DMD: variants seen among roughly 807,000 people sequenced by gnomAD.
The protein encoded by DMD is mutant dystrophin.
DMD carries 63 observed loss-of-function variants against 330.1 expected under a neutral mutation model. That is an observed-to-expected ratio of 0.19 (90% confidence interval 0.16 to 0.24). The LOEUF is 0.24. Ranked by LOEUF, DMD falls within the 10% of genes least tolerant of loss-of-function variation. DMD has a pLI of 1.00. For synonymous variants in DMD, 1,223 were observed against 959.8 expected, an observed-to-expected ratio of 1.27 and a Z score of -5.07; for missense variants, 3,344 against 2,684.1, an observed-to-expected ratio of 1.25 and a Z score of -5.43.
chrX:32,561,879 C>T (rs756339810), intron 16 of DMD, among the ~76,000 whole-genome samples: 1 of 111,719 alleles, frequency 9.0e-6, no homozygotes, highest in Non-Finnish European at 1.9e-5. Context: ...AGATTGGGGG[C>T]TAATATTCAA....
chrX:31,198,087 T>C (rs1569453273), intron 67 of DMD, among the ~76,000 whole-genome samples: 1 of 100,675 alleles, frequency 9.9e-6, no homozygotes, highest in East Asian at 3.1e-4. Context: ...ACTACCAGAG[T>C]CTGGGAAATG....
chrX:32,371,009 C>A (rs1045246702), intron 34 of DMD, among the ~76,000 whole-genome samples: 3 of 110,856 alleles, frequency 2.7e-5, no homozygotes, highest in Non-Finnish European at 5.7e-5. Flanking sequence ...AAATCAGAAT[C>A]TCTGGAAGTG....
At chrX:32,208,049 A>G (rs1377599755) in intron 44 of DMD, among the ~76,000 whole-genome samples, 1 of 112,187 alleles carries the variant, frequency 8.9e-6, no homozygotes, top group Non-Finnish European at 1.9e-5. Flanking sequence ...GATTTTGAGA[A>G]CTATGCTGCC....
chrX:32,174,298 C>T (rs2096898461), intron 44 of DMD, among the ~76,000 whole-genome samples: 2 of 111,949 alleles, frequency 1.8e-5, no homozygotes, highest in African/African-American at 3.2e-5. Flanking sequence ...TAATTCTTCT[C>T]ATAATTCAAA....
rs190626646 is a variant in DMD at position 32,097,907 on chromosome X, G to C, written c.6438+119009C>G. Among the ~76,000 whole-genome samples the C allele has an allele frequency of 8.7e-3, 962 of 110,467 alleles. 12 individuals are homozygous for C. The highest frequency in any genetic ancestry group is 0.03 in the African/African-American group (914 of 30,351). The stretch of plus-strand genomic sequence containing the variant: ...TGTTACATTTTCATCTACTTTTTTT[G>C]ACTAATAAAGTCAATATGAAAGTCA... On this transcript the variant is annotated intron_variant, in intron 44 of 78. Transcript: ENST00000357033.
intron 60 of DMD, among the ~76,000 whole-genome samples, chrX:31,370,098 C>CAAAAAAAAAAAAAAA (rs59989996): frequency 5.1e-5 from 3 of 59,327 alleles, no homozygotes; most frequent in African/African-American, 2.4e-4. Context: ...GGCTCCGTCT[C>CAAAAAAAAAAAAAAA]AAAAAAAAAA....
chrX:32,117,782 T>C (rs1390819688), intron 44 of DMD, among the ~76,000 whole-genome samples: 1 of 111,704 alleles, frequency 9.0e-6, no homozygotes, highest in East Asian at 2.8e-4. Context: ...AGAAAATATT[T>C]AACCAATAGG....
At chrX:32,395,697 G>T (rs1430074001) in intron 30 of DMD, among the ~76,000 whole-genome samples, 1 of 111,633 alleles carries the variant, frequency 9.0e-6, no homozygotes, top group East Asian at 2.8e-4. Flanking sequence ...GGCTGAGAAA[G>T]GGTTTTGGAG....
chrX:31,495,415 A>T (rs2076420044), intron 57 of DMD, among the ~76,000 whole-genome samples: 1 of 111,392 alleles, frequency 9.0e-6, no homozygotes, highest in South Asian at 3.8e-4. Flanking sequence ...TTTCCAAAAC[A>T]CTTATCAGTA....
chrX:31,954,385 C>A (rs942513239), intron 45 of DMD, among the ~76,000 whole-genome samples: 2 of 111,467 alleles, frequency 1.8e-5, no homozygotes, highest in African/African-American at 3.3e-5. Context: ...TTCACAGATT[C>A]TCTTGTTATC....
intron 50 of DMD, among the ~76,000 whole-genome samples, chrX:31,815,372 C>T (rs1031831450): frequency 9.1e-6 from 1 of 109,622 alleles, no homozygotes; most frequent in East Asian, 2.9e-4. Context: ...ACCGCTTCAA[C>T]CCAGGAGGCA....
intron 60 of DMD, among the ~76,000 whole-genome samples, chrX:31,389,827 T>C (rs1464035324): frequency 1.8e-5 from 2 of 112,373 alleles, no homozygotes; most frequent in African/African-American, 6.5e-5. Context: ...ATCTAACTTT[T>C]ATTCCCATGT....
intron 15 of DMD, among the ~76,000 whole-genome samples, chrX:32,567,372 TGTGGGGGTTTAGCAATAG>T (rs1308466683): frequency 1.8e-5 from 2 of 111,176 alleles, no homozygotes; most frequent in South Asian, 3.8e-4. Flanking sequence ...AAACTCACGG[TGTGGGGGTTTAGCAATAG>T]GTAGGTGGTT....
intron 60 of DMD, among the ~76,000 whole-genome samples, chrX:31,361,895 G>T (rs1022666103): frequency 2.8e-5 from 3 of 108,066 alleles, no homozygotes; most frequent in Non-Finnish European, 5.7e-5. Flanking sequence ...TCAGCCTCCC[G>T]AGTACCCGGG....
chrX:32,252,707 A>AATAAAT lies in DMD; in HGVS notation c.6290+34821_6290+34822insATTTAT, dbSNP rs2097272202. On this transcript the variant is annotated intron_variant, in intron 43 of 78. Transcript: ENST00000357033. ...ATAAATATATATATAAATATATATAAATATATAAATATATATAAATATATA... is the reference window on the plus strand; with the variant it reads ...ATAAATATATATATAAATATATATAAATAAATATATATAAATATATATAAATATATA... 1.1e-4 allele frequency among the ~76,000 whole-genome samples: 2 copies of AATAAAT among 18,328 alleles called. 1 individual carries two copies. The highest frequency in any genetic ancestry group is 4.1e-4 in the African/African-American group (2 of 4,857). 15.9% of individuals were successfully genotyped at this position (18,328 alleles called of 115,157 possible).
At chrX:32,237,047 G>C (rs2097190561) in intron 43 of DMD, among the ~76,000 whole-genome samples, 1 of 111,093 alleles carries the variant, frequency 9.0e-6, no homozygotes, top group Non-Finnish European at 1.9e-5. Context: ...TCTTTGCATT[G>C]TACAGGTTTT....
intron 55 of DMD, among the ~76,000 whole-genome samples, chrX:31,509,271 G>A (rs768723886): frequency 9.0e-6 from 1 of 111,359 alleles, no homozygotes; most frequent in Non-Finnish European, 1.9e-5. Context: ...TTTTGCCTAC[G>A]TGGAATAACA....
At chrX:32,222,676 C>G (rs2097135641) in intron 43 of DMD, among the ~76,000 whole-genome samples, 1 of 111,807 alleles carries the variant, frequency 8.9e-6, no homozygotes, top group African/African-American at 3.2e-5. Flanking sequence ...TGGCTTAAGA[C>G]TTTAAATGCA....
intron 50 of DMD, among the ~76,000 whole-genome samples, chrX:31,807,245 G>C (rs754223436): frequency 4.1e-4 from 46 of 111,915 alleles, no homozygotes; most frequent in African/African-American, 1.5e-3. Flanking sequence ...AGAGAATCAG[G>C]TCTGAACACA....
Sources: gnomAD v4.1 joint callset for allele counts (sites outside exome capture counted in the v4.1 genomes callset) on GRCh38, gnomAD v4.1.1 for gene constraint, MANE v1.5 for transcripts, NCBI Gene and HGNC (gene_info 2026-07-23, HGNC 2026-07-21) for gene names.